Variants in CEP170 observed in about 807,000 individuals in gnomAD.
CEP170 encodes the protein centrosomal protein 170.
A neutral mutation model predicts 151.9 loss-of-function variants in CEP170; 21 were observed. The ratio of observed to expected loss-of-function variants is 0.14; its 90% CI spans 0.10 to 0.20. The LOEUF (loss-of-function observed/expected upper bound fraction) is 0.20. Among genes scored for constraint, CEP170 ranks in the 10% least tolerant of loss-of-function variants. The pLI is 1.00. For synonymous variants in CEP170, 356 were observed against 648.8 expected (o/e 0.55, Z 6.86); for missense variants, 964 against 1,892.9 (o/e 0.51, Z 9.11).
At chr1:243,233,860 G>A (rs1272154875) in intron 1 of CEP170, among the ~76,000 whole-genome samples, 2 of 151,568 alleles carry the variant, frequency 1.3e-5, no homozygotes, top group Admixed American at 1.3e-4. Context: ...TACTTAAGTT[G>A]AGACAGGCAA....
chr1:243,197,394 G>A (rs2060728146), intron 7 of CEP170, among the ~76,000 whole-genome samples: 1 of 150,280 alleles, frequency 6.7e-6, no homozygotes, highest in Admixed American at 6.7e-5. Context: ...ATCACACACA[G>A]CTTCAAGGTG....
At chr1:243,167,401 C>T (rs1168058996) in intron 12 of CEP170, among the ~76,000 whole-genome samples, 1 of 150,336 alleles carries the variant, frequency 6.7e-6, no homozygotes, top group African/African-American at 2.4e-5. Flanking sequence ...GTTATTAATG[C>T]CACATATGGA....
intron 7 of CEP170, among the ~76,000 whole-genome samples, chr1:243,194,719 T>A (rs573391826): frequency 6.6e-6 from 1 of 151,962 alleles, no homozygotes; most frequent in African/African-American, 2.4e-5. Context: ...TAACAGAACA[T>A]ATTCTGGAAT....
At position 243,228,669 on chromosome 1, in the gene CEP170, C is replaced by A. The variant is rs531116504; in HGVS notation, c.-41-3348G>T. Among the ~76,000 whole-genome samples, 4 of 152,226 alleles carry A rather than the reference C, an allele frequency of 2.6e-5. No homozygotes were observed. In the East Asian group the frequency reaches 7.7e-4, roughly 29 times the overall value. On this transcript the variant is annotated intron_variant, in intron 1 of 19. Transcript: ENST00000366542. ...TAAGACATGTTAAAAGAAAATAAAT[C>A]CAGCCTACATACAGTAAACTAAAAC...
chr1:243,238,991 C>T (rs1018294297), intron 1 of CEP170, among the ~76,000 whole-genome samples: 2 of 152,184 alleles, frequency 1.3e-5, no homozygotes, highest in African/African-American at 2.4e-5. Context: ...TCTGTTTTTA[C>T]GGGGTTACTT....
intron 1 of CEP170, among the ~76,000 whole-genome samples, chr1:243,243,881 C>T (rs1441829452): frequency 1.3e-5 from 2 of 151,842 alleles, no homozygotes; most frequent in African/African-American, 4.8e-5. Context: ...AATGCCCTAC[C>T]CCCAAAAGGA....
intron 8 of CEP170, among the ~76,000 whole-genome samples, chr1:243,189,085 T>C (rs1192274397): frequency 6.6e-6 from 1 of 152,188 alleles, no homozygotes; most frequent in Non-Finnish European, 1.5e-5. Context: ...TGTCTACCTA[T>C]AAATCAACTT....
At chr1:243,195,389 G>A (rs1038192477) in intron 7 of CEP170, among the ~76,000 whole-genome samples, 49 of 151,872 alleles carry the variant, frequency 3.2e-4, no homozygotes, top group African/African-American at 9.4e-4. Context: ...GTCTTAATAC[G>A]ATTAAAAATA....
chr1:243,204,552 A>C (rs2061281806), intron 4 of CEP170, among the ~76,000 whole-genome samples: 1 of 152,176 alleles, frequency 6.6e-6, no homozygotes, highest in South Asian at 2.1e-4. Context: ...AAGATATTTA[A>C]GTAATGTGTA....
chr1:243,142,265 GA>G (rs1241397225), intron 15 of CEP170, 50 bp downstream of exon 15: 1 of 1,601,176 alleles, frequency 6.2e-7, no homozygotes, highest in Non-Finnish European at 8.5e-7. Context: ...AAAAGCAAAA[GA>G]AATAAAGAAA....
intron 3 of CEP170, 125 bp downstream of exon 3, chr1:243,221,599 A>C: frequency 1.1e-6 from 1 of 932,774 alleles, no homozygotes; most frequent in Non-Finnish European, 1.6e-6. Context: ...TGTACCTGAT[A>C]AGCATTTGAA....
At chr1:243,176,876 G>A (rs571184353) in intron 10 of CEP170, 28 of 398,372 alleles carry the variant, frequency 7.0e-5, no homozygotes, top group Admixed American at 5.2e-4. Context: ...AGAACCAAAC[G>A]ATATTTTTAG....
At chr1:243,203,301 T>C (rs1490828947) in intron 4 of CEP170, among the ~76,000 whole-genome samples, 1 of 152,208 alleles carries the variant, frequency 6.6e-6, no homozygotes. Context: ...AAAATCATAA[T>C]TTGACAGGTT....
At chr1:243,151,134 T>C (rs984670849) in intron 14 of CEP170, among the ~76,000 whole-genome samples, 6 of 152,252 alleles carry the variant, frequency 3.9e-5, no homozygotes, top group African/African-American at 1.4e-4. Flanking sequence ...AGTCTAGCCC[T>C]CACGGCTTCC....
chr1:243,149,707 T>C (rs1281999770), intron 14 of CEP170, among the ~76,000 whole-genome samples: 2 of 152,170 alleles, frequency 1.3e-5, no homozygotes, highest in Admixed American at 1.3e-4. Context: ...ACCCAAAATG[T>C]AGTATATCCT....
intron 1 of CEP170, among the ~76,000 whole-genome samples, chr1:243,247,864 C>A (rs1572676876): frequency 6.6e-6 from 1 of 152,204 alleles, no homozygotes; most frequent in Non-Finnish European, 1.5e-5. Context: ...GGGAAGGAGA[C>A]CCCTATCTGC....
At chr1:243,229,101 T>G (rs2063515747) in intron 1 of CEP170, among the ~76,000 whole-genome samples, 1 of 152,156 alleles carries the variant, frequency 6.6e-6, no homozygotes, top group South Asian at 2.1e-4. Flanking sequence ...TTTCTACTAA[T>G]TGGATATTAC....
Position 243,212,066 on chromosome 1 carries a change from T to C in CEP170, c.196-102A>G. The C allele has an allele frequency of 3.4e-6, 4 of 1,191,956 alleles. No individual in the cohort carries two copies. In the East Asian group the frequency reaches 1.1e-4, roughly 33 times the overall value. The allele number at this position is 1,191,956 out of a possible 1,614,324, so 73.8% of individuals were successfully genotyped here. A position where few individuals can be genotyped will look rare whatever the true frequency, so the allele number is the denominator to read the frequency against. The stretch of plus-strand genomic sequence containing the variant: ...ATCTGAGAGTTAAAAGCACATATCA[T>C]ACGGTGGCTAATACAGCCTGAGTAT... On this transcript the variant is annotated intron_variant, in intron 3 of 19. Coordinates refer to ENST00000366542, the MANE Select transcript of CEP170 (RefSeq NM_014812.3).
intron 1 of CEP170, among the ~76,000 whole-genome samples, chr1:243,229,908 C>T (rs1007843287): frequency 9.2e-5 from 14 of 152,102 alleles, no homozygotes; most frequent in Admixed American, 2.0e-4. Context: ...CTTCAGTGAC[C>T]ACATTATAAC....
Sources: allele counts gnomAD v4.1 joint callset (sites outside exome capture counted in the v4.1 genomes callset), GRCh38; gene constraint gnomAD v4.1.1; transcripts MANE v1.5; gene names NCBI Gene and HGNC (gene_info 2026-07-23, HGNC 2026-07-21).